Variants in PHTF2 observed in about 807,000 individuals in gnomAD.
The protein encoded by PHTF2 is protein PHTF2.
A neutral mutation model predicts 101.2 loss-of-function variants in PHTF2; 60 were observed. That is an observed-to-expected ratio of 0.59 (90% CI 0.48 to 0.73). The LOEUF is 0.73. Ranked by LOEUF, PHTF2 falls within the 30% of genes least tolerant of loss-of-function variation. The probability of loss-of-function intolerance (pLI) is 0.00; values close to 1 mark genes in which losing one functional copy is unlikely to be tolerated. For synonymous variants in PHTF2, 311 were observed against 307.3 expected (o/e 1.01, Z -0.13); for missense variants, 747 against 908.7 (o/e 0.82, Z 2.29).
intron 1 of PHTF2, among the ~76,000 whole-genome samples, chr7:77,828,589 T>C (rs1794854753): frequency 6.6e-6 from 1 of 152,160 alleles, no homozygotes; most frequent in Non-Finnish European, 1.5e-5. Context: ...GGCAGGCAGA[T>C]CACTTGAGGT....
intron 16 of PHTF2, among the ~76,000 whole-genome samples, chr7:77,943,111 TTTTC>T (rs540036362): frequency 0.019 from 1,051 of 56,456 alleles, 10 homozygotes; most frequent in African/African-American, 0.034. Flanking sequence ...TTTACTATTC[TTTTC>T]TTTCTTTCTT....
intron 3 of PHTF2, among the ~76,000 whole-genome samples, chr7:77,874,592 T>C (rs190739514): frequency 6.6e-6 from 1 of 152,290 alleles, no homozygotes; most frequent in African/African-American, 2.4e-5. Flanking sequence ...CCAGTCTCTC[T>C]ATTCATATTT....
At chr7:77,830,515 G>C (rs1795000499) in intron 1 of PHTF2, among the ~76,000 whole-genome samples, 1 of 152,074 alleles carries the variant, frequency 6.6e-6, no homozygotes, top group Non-Finnish European at 1.5e-5. Context: ...GATCAGCAGC[G>C]GCATTAGATT....
chr7:77,892,811 G>A (rs768827876), intron 3 of PHTF2, among the ~76,000 whole-genome samples: 3 of 152,144 alleles, frequency 2.0e-5, no homozygotes, highest in Non-Finnish European at 4.4e-5. Flanking sequence ...AATAGAAGCT[G>A]TAAGAAATTC....
intron 11 of PHTF2, 78 bp downstream of exon 10, chr7:77,922,856 A>T: frequency 8.7e-6 from 11 of 1,264,054 alleles, no homozygotes; most frequent in Non-Finnish European, 1.2e-5. Context: ...TCAACAATTA[A>T]AAATTGTTGA....
At chr7:77,881,524 T>G (rs905425652) in intron 3 of PHTF2, among the ~76,000 whole-genome samples, 1 of 151,980 alleles carries the variant, frequency 6.6e-6, no homozygotes, top group African/African-American at 2.4e-5. Context: ...GGTTTTGTTT[T>G]TTTTTTTTAC....
chr7:77,853,646 G>A (rs1321174102), intron 2 of PHTF2, among the ~76,000 whole-genome samples: 4 of 151,856 alleles, frequency 2.6e-5, no homozygotes, highest in African/African-American at 4.8e-5. Context: ...CGCCTACCTC[G>A]GCCTCCCAAA....
At chr7:77,909,099 A>G (rs1028603374) in intron 8 of PHTF2, 141 bp downstream of exon 7, 12 of 513,908 alleles carry the variant, frequency 2.3e-5, no homozygotes, top group Admixed American at 7.4e-5. Context: ...TTCAGAATCA[A>G]TTACCAGATG....
intron 9 of PHTF2, among the ~76,000 whole-genome samples, chr7:77,913,744 C>A (rs12705112): frequency 0.059 from 9,042 of 152,204 alleles, 373 homozygotes; most frequent in Middle Eastern, 0.085. Flanking sequence ...CCACTACACC[C>A]AGCTTTATTA....
At chr7:77,947,932 C>T (rs370209707) in intron 16 of PHTF2, among the ~76,000 whole-genome samples, 3 of 148,202 alleles carry the variant, frequency 2.0e-5, no homozygotes, top group Non-Finnish European at 4.5e-5. Flanking sequence ...TCTGCCTCCC[C>T]GGCTCAAGCA....
intron 1 of PHTF2, among the ~76,000 whole-genome samples, chr7:77,810,696 C>T (rs771222651): frequency 1.3e-5 from 2 of 152,018 alleles, no homozygotes; most frequent in African/African-American, 2.4e-5. Context: ...TACCACTGCA[C>T]CTGGCTAATA....
At chr7:77,817,933 C>G (rs964314177) in intron 1 of PHTF2, among the ~76,000 whole-genome samples, 1 of 151,818 alleles carries the variant, frequency 6.6e-6, no homozygotes, top group Non-Finnish European at 1.5e-5. Context: ...CATGGTGAAC[C>G]CCCATCTCTA....
chr7:77,955,595 C>G (rs1159595848), exon 20 of PHTF2: 1 of 152,534 alleles, frequency 6.6e-6, no homozygotes, highest in Non-Finnish European at 1.5e-5. Flanking sequence ...AAAATGTGCA[C>G]TTTTTAAAAT....
chr7:77,901,499 A>T (rs1199193376), intron 6 of PHTF2, among the ~76,000 whole-genome samples: 3 of 152,092 alleles, frequency 2.0e-5, no homozygotes, highest in Non-Finnish European at 4.4e-5. Context: ...AAAACAATTA[A>T]AGTGGTGATT....
At chr7:77,868,763 A>G (rs1798283417) in intron 3 of PHTF2, among the ~76,000 whole-genome samples, 1 of 152,294 alleles carries the variant, frequency 6.6e-6, no homozygotes, top group African/African-American at 2.4e-5. Context: ...ATGGAATCCA[A>G]CTTCTGTGTT....
At chr7:77,853,804 T>C (rs1242480474) in intron 2 of PHTF2, among the ~76,000 whole-genome samples, 3 of 152,148 alleles carry the variant, frequency 2.0e-5, no homozygotes, top group Non-Finnish European at 4.4e-5. Flanking sequence ...TTCAATCTTA[T>C]TGTTAAATTT....
chr7:77,937,742 A>G, exon 13 of PHTF2: 2 of 1,470,890 alleles, frequency 1.4e-6, no homozygotes, highest in Non-Finnish European at 9.2e-7. Context: ...GTTCCCACCC[A>G]GGATTAGAAA....
At chr7:77,800,845 G>C (rs895397827) in intron 1 of PHTF2, among the ~76,000 whole-genome samples, 1 of 152,188 alleles carries the variant, frequency 6.6e-6, no homozygotes, top group Non-Finnish European at 1.5e-5. Flanking sequence ...CCAAGACTTA[G>C]TTTAACTAAT....
intron 1 of PHTF2, among the ~76,000 whole-genome samples, chr7:77,835,754 ATATGT>A (rs1406458997): frequency 1.3e-5 from 2 of 152,186 alleles, no homozygotes; most frequent in African/African-American, 4.8e-5. Flanking sequence ...CACATATTTT[ATATGT>A]TATATGTTTA....
Sources: allele counts gnomAD v4.1 joint callset (sites outside exome capture counted in the v4.1 genomes callset), GRCh38; gene constraint gnomAD v4.1.1; transcripts MANE v1.5; gene names NCBI Gene and HGNC (gene_info 2026-07-23, HGNC 2026-07-21).